The following SMO variants were observed in gnomAD, a reference collection of about 807,000 sequenced individuals.
SMO encodes protein smoothened.
A neutral mutation model predicts 81.6 loss-of-function variants in SMO; 40 were observed. The ratio of observed to expected loss-of-function variants is 0.49; its 90% CI spans 0.38 to 0.64. The LOEUF (loss-of-function observed/expected upper bound fraction) is 0.64. SMO is among the 30% of genes least tolerant of loss of function. SMO has a pLI of 0.00. For missense variants in SMO, 916 were observed against 1,061.1 expected (o/e 0.86, Z 1.90); for synonymous variants, 434 against 432.1 (o/e 1.00, Z -0.05).
chr7:129,206,172 G>T lies in SMO; in HGVS notation c.943G>T (p.Val315Phe), dbSNP rs765279156. The T allele has an allele frequency of 3.1e-6, 5 of 1,610,112 alleles. No homozygotes were observed. In the East Asian group the frequency reaches 1.1e-4, roughly 36 times the overall value. The change falls in exon 5 of 12, where the codon GTC becomes TTC. Residue 315 changes from valine (V) to phenylalanine (F), a missense_variant. By Grantham distance (50) the Val-to-Phe change is conservative. Transcript: ENST00000249373. The surrounding 1 kb of genome is among the most constrained non-coding windows in gnomAD (Gnocchi z 4.4). ...EPTSNETLSC[V>F]IIFVIVYYAL... ...CAGCTCCAATGAGACTCTGTCCTGC[G>T]TCATCATCTTTGTCATCGTGTACTA...
chr7:129,192,726 G>A (rs1239067779), intron 1 of SMO, among the ~76,000 whole-genome samples: 1 of 152,194 alleles, frequency 6.6e-6, no homozygotes, highest in Admixed American at 6.5e-5. Context: ...ATGGAAGGTG[G>A]TGCCATTCCC....
rs748330100 is a variant in SMO at position 129,209,443 on chromosome 7, G to A, written c.1466+46G>A. The A allele has an allele frequency of 3.2e-5, 44 of 1,356,096 alleles. No individual in the cohort carries two copies. In the African/African-American group the frequency reaches 5.1e-4, roughly 16 times the overall value. The allele number at this position is 1,356,096 out of a possible 1,614,324, so 84.0% of individuals were successfully genotyped here. On this transcript the variant is annotated intron_variant, in intron 8 of 11. Coordinates refer to ENST00000249373, the MANE Select transcript of SMO (RefSeq NM_005631.5). ...CGGCAGTGCTGGGAGCTGGAGCCAA[G>A]GCCATAAAGACACCCACCTCCACCC...
chr7:129,207,858 A>C (rs942118391), intron 6 of SMO, among the ~76,000 whole-genome samples: 2 of 150,746 alleles, frequency 1.3e-5, no homozygotes, highest in Non-Finnish European at 2.9e-5. Context: ...TTGCCACTGC[A>C]CTCCAGCCTG....
At chr7:129,193,174 G>A (rs1793503696) in intron 1 of SMO, among the ~76,000 whole-genome samples, 1 of 152,226 alleles carries the variant, frequency 6.6e-6, no homozygotes, top group South Asian at 2.1e-4. Context: ...AAAAAGCAGA[G>A]AGGCCTGCAG....
At chr7:129,198,152 A>G (rs2150643799) in intron 1 of SMO, among the ~76,000 whole-genome samples, 1 of 152,178 alleles carries the variant, frequency 6.6e-6, no homozygotes, top group Non-Finnish European at 1.5e-5. Context: ...GGGTTTGGCC[A>G]TATTGCCCAG....
chr7:129,203,644 T>C (rs988340189), intron 2 of SMO, 55 bp downstream of exon 2: 46 of 1,412,296 alleles, frequency 3.3e-5, no homozygotes, highest in Non-Finnish European at 4.3e-5. Flanking sequence ...GGACCGGGTA[T>C]AGGGCAGGGT....
chr7:129,200,598 TC>T (rs1793654241), intron 1 of SMO, among the ~76,000 whole-genome samples: 1 of 152,222 alleles, frequency 6.6e-6, no homozygotes, highest in Non-Finnish European at 1.5e-5. Context: ...TCTCTCTTTT[TC>T]CTGGGGAGTT....
chr7:129,212,785 T>G lies in SMO; in HGVS notation c.*334T>G, dbSNP rs1584667309. On this transcript the variant is annotated 3_prime_UTR_variant, in exon 12 of 12. Transcript: ENST00000249373. The surrounding 1 kb of genome is among the most constrained non-coding windows in gnomAD (Gnocchi z 5.0). ...GGGGCAGGAACGGTGGAGGCAGAGGTGACAGTTCCCAGAGTGGGCTTTGGT... is the reference window on the plus strand; with the variant it reads ...GGGGCAGGAACGGTGGAGGCAGAGGGGACAGTTCCCAGAGTGGGCTTTGGT... 1 of 370,582 alleles carries G rather than the reference T, an allele frequency of 2.7e-6. No individual in the cohort carries two copies. Among genetic ancestry groups the G allele is most frequent in the Non-Finnish European group, 4.9e-6 (1 of 205,202 alleles). The allele number at this position is 370,582 out of a possible 1,614,324, so 23.0% of individuals were successfully genotyped here. A position where few individuals can be genotyped will look rare whatever the true frequency, so the allele number is the denominator to read the frequency against.
chr7:129,210,253 T>C lies in SMO; in HGVS notation c.1467-110T>C. On this transcript the variant is annotated intron_variant, in intron 8 of 11. Transcript: ENST00000249373. This position sits in a 1 kb window ranked among gnomAD's most constrained non-coding sequence, Gnocchi z 4.7. ...CCAGGAGTTGGAAGCTGCAGTGGGT[T>C]GTGATCACGCCACCGCACTCTAGCC... The C allele has an allele frequency of 1.2e-6, 1 of 864,668 alleles. No homozygotes were observed. The highest frequency in any genetic ancestry group is 1.8e-6 in the Non-Finnish European group (1 of 541,094). The allele number at this position is 864,668 out of a possible 1,614,324, so 53.6% of individuals were successfully genotyped here.
chr7:129,210,145 T>G lies in SMO; in HGVS notation c.1467-218T>G, dbSNP rs1369573520. On this transcript the variant is annotated intron_variant, in intron 8 of 11. Coordinates refer to ENST00000249373, the MANE Select transcript of SMO (RefSeq NM_005631.5). This position sits in a 1 kb window ranked among gnomAD's most constrained non-coding sequence, Gnocchi z 4.7. The stretch of plus-strand genomic sequence containing the variant: ...CCCTTTCTAAAGTTTTTGGATTGAT[T>G]GTCTGAGTCTACCCAGTAGACTCAG... The G allele has an allele frequency of 2.0e-6, 1 of 503,136 alleles. No individual in the cohort carries two copies. The highest frequency in any genetic ancestry group is 3.4e-5 in the East Asian group (1 of 29,720). The allele number at this position is 503,136 out of a possible 1,614,324, so 31.2% of individuals were successfully genotyped here. A position where few individuals can be genotyped will look rare whatever the true frequency, so the allele number is the denominator to read the frequency against.
Position 129,188,902 on chromosome 7 carries a change from G to T in SMO, c.-250G>T. 1 of 325,280 alleles carries T rather than the reference G, an allele frequency of 3.1e-6. No homozygotes were observed. The allele number at this position is 325,280 out of a possible 1,614,324, so 20.1% of individuals were successfully genotyped here. On this transcript the variant is annotated 5_prime_UTR_variant, in exon 1 of 12. The change creates a new upstream start codon in the 5' untranslated region. Transcript: ENST00000249373. This position sits in a 1 kb window ranked among gnomAD's most constrained non-coding sequence, Gnocchi z 4.9. ...GAAGACAACTTGGATTGCGAGGCTA[G>T]GGCTTGGGGAGTCGTGCATCCCGTT...
In SMO at chr7:129,211,163, T is replaced by C. The variant is rs899517785; in HGVS notation, c.1801+50T>C. On this transcript the variant is annotated intron_variant, in intron 10 of 11. Transcript: ENST00000249373. The surrounding 1 kb of genome is among the most constrained non-coding windows in gnomAD (Gnocchi z 4.6). Reference sequence around the variant, plus strand: ...GAGCCGCCTGGCCCCGCGCTGCCCATGTGCTAGTCTCTCCCAGCCTGCTGG... The same window carrying C: ...GAGCCGCCTGGCCCCGCGCTGCCCACGTGCTAGTCTCTCCCAGCCTGCTGG... 4.5e-6 allele frequency: 7 copies of C among 1,555,432 alleles called. No homozygotes were observed. The highest frequency in any genetic ancestry group is 6.1e-6 in the Non-Finnish European group (7 of 1,146,936).
Position 129,206,587 on chromosome 7 carries a change from G to C in SMO, c.1264G>C (p.Gly422Arg). The change falls in exon 6 of 12, where the codon GGA becomes CGA. Residue 422 changes from glycine to arginine, a missense_variant and splice_region_variant. This residue lies in a region of SMO where 436 missense variants were observed against 570.9 expected (regional missense o/e 0.76). Coordinates refer to ENST00000249373, the MANE Select transcript of SMO (RefSeq NM_005631.5). The surrounding 1 kb of genome is among the most constrained non-coding windows in gnomAD (Gnocchi z 4.4). Reference protein sequence around the residue: ...LIVGGYFLIRGVMTLFSIKSN... With the variant: ...LIVGGYFLIRRVMTLFSIKSN... ...CGTGGGAGGCTACTTCCTCATCCGA[G>C]GTGAGTGAAGACCAGGCCAGGACCA... The C allele has an allele frequency of 6.2e-7, 1 of 1,614,134 alleles. No individual in the cohort carries two copies. The highest frequency in any genetic ancestry group is 8.5e-7 in the Non-Finnish European group (1 of 1,180,020).
intron 2 of SMO, among the ~76,000 whole-genome samples, chr7:129,204,873 G>A (rs1793734526): frequency 6.7e-6 from 1 of 149,772 alleles, no homozygotes. Flanking sequence ...AGCCGGGTGT[G>A]GTGGTGGGCG....
Position 129,208,308 on chromosome 7 carries a change from C to T in SMO, c.1265-451C>T, listed in dbSNP as rs1314292701. 4.0e-5 allele frequency among the ~76,000 whole-genome samples: 6 copies of T among 151,860 alleles called. No individual in the cohort carries two copies. Among genetic ancestry groups the T allele is most frequent in the East Asian group, 1.9e-4 (1 of 5,170 alleles). On this transcript the variant is annotated intron_variant, in intron 6 of 11. Coordinates refer to ENST00000249373, the MANE Select transcript of SMO (RefSeq NM_005631.5). The surrounding 1 kb of genome is among the most constrained non-coding windows in gnomAD (Gnocchi z 5.2). ...TCTTTACAAAAATACAAAAATTAGC[C>T]GGCGTGATGGTAGGTGCCTGTGATC...
At chr7:129,190,367 C>T (rs1052516162) in intron 1 of SMO, among the ~76,000 whole-genome samples, 6 of 152,202 alleles carry the variant, frequency 3.9e-5, no homozygotes, top group African/African-American at 1.2e-4. Context: ...TACTCTCCCC[C>T]ACCTGTCACT....
intron 1 of SMO, among the ~76,000 whole-genome samples, chr7:129,202,760 G>A (rs1273247138): frequency 6.6e-6 from 1 of 152,074 alleles, no homozygotes; most frequent in Non-Finnish European, 1.5e-5. Context: ...GGGTTCTGGG[G>A]TCTGGGCAAA....
chr7:129,206,710 T>A lies in SMO; in HGVS notation c.1264+123T>A. The A allele has an allele frequency of 1.1e-6, 1 of 936,220 alleles. No individual in the cohort carries two copies. Among genetic ancestry groups the A allele is most frequent in the Non-Finnish European group, 1.5e-6 (1 of 647,108 alleles). The allele number at this position is 936,220 out of a possible 1,614,324, so 58.0% of individuals were successfully genotyped here. On this transcript the variant is annotated intron_variant, in intron 6 of 11. Transcript: ENST00000249373. This position sits in a 1 kb window ranked among gnomAD's most constrained non-coding sequence, Gnocchi z 4.4. ...AACCCCAGCTAGCTCCTATAGGGCC[T>A]TCACACAGTAGAAGGTGACCCTCTA...
intron 6 of SMO, among the ~76,000 whole-genome samples, chr7:129,207,610 C>T (rs972347984): frequency 3.9e-5 from 6 of 152,098 alleles, no homozygotes; most frequent in African/African-American, 1.4e-4. Flanking sequence ...TGAACTAGTC[C>T]AGCCTGGGTG....
Sources: allele counts gnomAD v4.1 joint callset (sites outside exome capture counted in the v4.1 genomes callset), GRCh38; gene constraint gnomAD v4.1.1; regional missense constraint gnomAD v4.1.1; non-coding constraint Gnocchi (gnomAD v3.1); transcripts MANE v1.5; gene names NCBI Gene and HGNC (gene_info 2026-07-23, HGNC 2026-07-21).